HTR4: variants seen among roughly 807,000 people sequenced by gnomAD.
HTR4 encodes 5-hydroxytryptamine (serotonin) receptor 4, G protein-coupled.
In HTR4, 16 loss-of-function variants were observed where a neutral mutation model predicts 36.8. The observed-to-expected ratio is 0.43, with a 90% CI of 0.29 to 0.66. HTR4 has a LOEUF of 0.66. HTR4 is among the 30% of genes least tolerant of loss of function. The probability of loss-of-function intolerance (pLI) is 0.13; values close to 1 mark genes in which losing one functional copy is unlikely to be tolerated. For synonymous variants in HTR4, 189 were observed against 185.1 expected (o/e 1.02, Z -0.17); for missense variants, 438 against 490.9 (o/e 0.89, Z 1.02).
chr5:148,627,266 A>G (rs1321498617), intron 2 of HTR4, among the ~76,000 whole-genome samples: 1 of 152,156 alleles, frequency 6.6e-6, no homozygotes, highest in African/African-American at 2.4e-5. Flanking sequence ...GTATTTCTGA[A>G]CTTCCATATT....
At chr5:148,645,116 A>T (rs1581583348) in intron 1 of HTR4, 1 of 152,336 alleles carries the variant, frequency 6.6e-6, no homozygotes, top group Non-Finnish European at 1.5e-5. Flanking sequence ...AATGTTCCAG[A>T]TGGTATGAAA....
At chr5:148,543,836 G>A (rs1431635505) in intron 4 of HTR4, among the ~76,000 whole-genome samples, 1 of 152,188 alleles carries the variant, frequency 6.6e-6, no homozygotes. Flanking sequence ...CCCCGTAAGA[G>A]ATGGTGAGGG....
At chr5:148,460,337 C>A (rs1409881847) in intron 5 of HTR4, among the ~76,000 whole-genome samples, 1 of 151,988 alleles carries the variant, frequency 6.6e-6, no homozygotes, top group African/African-American at 2.4e-5. Context: ...AAAATTACAA[C>A]CAGGCATTTC....
At chr5:148,497,960 T>C (rs1756760826) in intron 6 of HTR4, among the ~76,000 whole-genome samples, 1 of 152,256 alleles carries the variant, frequency 6.6e-6, no homozygotes, top group Admixed American at 6.5e-5. Flanking sequence ...TCTTCACTTC[T>C]ATTTTGATCA....
At chr5:148,559,004 C>T (rs73268366) in intron 2 of HTR4, among the ~76,000 whole-genome samples, 5,526 of 152,144 alleles carry the variant, frequency 0.036, 329 homozygotes, top group African/African-American at 0.12. Context: ...TTGTAACAGC[C>T]TAGCCTACCT....
intron 6 of HTR4, among the ~76,000 whole-genome samples, chr5:148,487,864 A>G (rs1032691630): frequency 6.6e-6 from 1 of 152,328 alleles, no homozygotes. Flanking sequence ...AATGGAAACA[A>G]TAAAATAAAA....
At chr5:148,498,783 T>A (rs1354544489) in intron 6 of HTR4, among the ~76,000 whole-genome samples, 2 of 152,172 alleles carry the variant, frequency 1.3e-5, no homozygotes, top group African/African-American at 4.8e-5. Context: ...TTAAATTGAT[T>A]CTTTGTTTGA....
intron 5 of HTR4, among the ~76,000 whole-genome samples, chr5:148,456,280 G>T (rs1378284898): frequency 6.6e-6 from 1 of 152,170 alleles, no homozygotes; most frequent in Non-Finnish European, 1.5e-5. Flanking sequence ...CAGATCTGGG[G>T]TCATCTGGTT....
At chr5:148,468,968 G>A (rs758395743) in intron 5 of HTR4, among the ~76,000 whole-genome samples, 32 of 151,934 alleles carry the variant, frequency 2.1e-4, no homozygotes, top group Admixed American at 5.2e-4. Flanking sequence ...TTTACTTCCC[G>A]TTCCGCCGTG....
chr5:148,553,440 G>C (rs138399862), intron 2 of HTR4, among the ~76,000 whole-genome samples: 1 of 152,214 alleles, frequency 6.6e-6, no homozygotes, highest in Non-Finnish European at 1.5e-5. Flanking sequence ...TCCACCCTCA[G>C]AGGTGCTGAT....
intron 6 of HTR4, among the ~76,000 whole-genome samples, chr5:148,494,662 T>C (rs1350276397): frequency 6.6e-6 from 1 of 152,198 alleles, no homozygotes; most frequent in Non-Finnish European, 1.5e-5. Flanking sequence ...GAAAGTTGTA[T>C]TGCCTCCTTC....
intron 5 of HTR4, among the ~76,000 whole-genome samples, chr5:148,458,547 G>C (rs930978036): frequency 6.6e-6 from 1 of 152,096 alleles, no homozygotes; most frequent in African/African-American, 2.4e-5. Flanking sequence ...TGTCAGAGGG[G>C]GGATGAGATC....
intron 2 of HTR4, among the ~76,000 whole-genome samples, chr5:148,589,357 G>A (rs1208725880): frequency 2.0e-5 from 3 of 152,124 alleles, no homozygotes; most frequent in Non-Finnish European, 4.4e-5. Flanking sequence ...TCTGTTTCCT[G>A]ACATTCTGCC....
chr5:148,599,131 A>G (rs1332139507), intron 2 of HTR4, among the ~76,000 whole-genome samples: 2 of 152,202 alleles, frequency 1.3e-5, no homozygotes, highest in African/African-American at 4.8e-5. Context: ...ACAAAAGGAA[A>G]GTATAGCCGA....
At chr5:148,517,174 A>T (rs1757796218) in intron 5 of HTR4, among the ~76,000 whole-genome samples, 2 of 152,000 alleles carry the variant, frequency 1.3e-5, no homozygotes, top group South Asian at 4.2e-4. Flanking sequence ...CTTCCTTATA[A>T]TATGTTTTAA....
intron 6 of HTR4, among the ~76,000 whole-genome samples, chr5:148,503,512 C>A (rs187568999): frequency 0.016 from 2,399 of 152,308 alleles, 33 homozygotes; most frequent in Middle Eastern, 0.048. Flanking sequence ...TGGAAAGGAA[C>A]AATCAGTACC....
At chr5:148,478,626 C>A (rs563095217), downstream of HTR4, among the ~76,000 whole-genome samples, 79 of 152,202 alleles carry the variant, frequency 5.2e-4, no homozygotes, top group South Asian at 0.016. Flanking sequence ...GGGCTTTAGG[C>A]TCCCAAGAAC....
intron 1 of HTR4, among the ~76,000 whole-genome samples, chr5:148,650,398 C>T (rs968441794): frequency 1.3e-5 from 2 of 152,164 alleles, no homozygotes; most frequent in African/African-American, 2.4e-5. Flanking sequence ...CATTCTTACT[C>T]AGACTATACT....
intron 6 of HTR4, among the ~76,000 whole-genome samples, chr5:148,503,102 G>A (rs1757014803): frequency 6.6e-6 from 1 of 152,202 alleles, no homozygotes; most frequent in African/African-American, 2.4e-5. Context: ...CCCCAACCTA[G>A]CAAGGCAGGC....
Sources: allele counts gnomAD v4.1 joint callset (sites outside exome capture counted in the v4.1 genomes callset), GRCh38; gene constraint gnomAD v4.1.1; transcripts MANE v1.5; gene names NCBI Gene and HGNC (gene_info 2026-07-23, HGNC 2026-07-21).